Variants in TMEM178B observed in about 807,000 individuals in gnomAD.
TMEM178B encodes the protein transmembrane protein 178B.
Under a neutral mutation model 31.0 loss-of-function variants are expected in TMEM178B, and 5 were observed. The ratio of observed to expected loss-of-function variants is 0.16; its 90% CI spans 0.08 to 0.34. TMEM178B has a LOEUF of 0.34. TMEM178B is among the 10% of genes least tolerant of loss of function. The pLI is 1.00. For missense variants in TMEM178B, 275 were observed against 400.3 expected, an observed-to-expected ratio of 0.69 and a Z score of 2.67; for synonymous variants, 164 against 164.0, an observed-to-expected ratio of 1.00 and a Z score of 0.00.
chr7:141,368,369 T>C (rs1367159997), intron 2 of TMEM178B, among the ~76,000 whole-genome samples: 2 of 152,340 alleles, frequency 1.3e-5, no homozygotes, highest in African/African-American at 4.8e-5. Context: ...TGAACTGATA[T>C]CATACTATTT....
At chr7:141,249,626 G>A (rs1046405398) in intron 2 of TMEM178B, among the ~76,000 whole-genome samples, 3 of 148,264 alleles carry the variant, frequency 2.0e-5, no homozygotes, top group Non-Finnish European at 4.5e-5. Flanking sequence ...TGCCCTGTTG[G>A]TAATTACATG....
At chr7:141,097,884 C>T (rs371272380) in intron 1 of TMEM178B, among the ~76,000 whole-genome samples, 5 of 151,018 alleles carry the variant, frequency 3.3e-5, no homozygotes, top group African/African-American at 1.2e-4. Flanking sequence ...TTCGACCTCC[C>T]TGGTTCAAGT....
intron 2 of TMEM178B, among the ~76,000 whole-genome samples, chr7:141,430,982 A>AG (rs1801415105): frequency 1.3e-5 from 2 of 152,308 alleles, no homozygotes; most frequent in African/African-American, 4.8e-5. Flanking sequence ...AATTTCCAGC[A>AG]GACCTCCCCA....
intron 2 of TMEM178B, among the ~76,000 whole-genome samples, chr7:141,412,387 T>C (rs1436022136): frequency 2.0e-5 from 3 of 152,142 alleles, no homozygotes; most frequent in Non-Finnish European, 4.4e-5. Context: ...ATATAAATTG[T>C]TCAAGAGCCT....
At chr7:141,305,784 A>G (rs1053448447) in intron 2 of TMEM178B, among the ~76,000 whole-genome samples, 15 of 152,008 alleles carry the variant, frequency 9.9e-5, no homozygotes, top group East Asian at 1.9e-4. Flanking sequence ...ATCCCTGTCA[A>G]TACTCCCTCT....
At chr7:141,284,952 T>C (rs1483325703) in intron 2 of TMEM178B, among the ~76,000 whole-genome samples, 2 of 151,856 alleles carry the variant, frequency 1.3e-5, no homozygotes, top group African/African-American at 2.4e-5. Flanking sequence ...TCAAGAAGAA[T>C]GGATCAATTA....
chr7:141,343,424 A>G (rs879291201), intron 2 of TMEM178B, among the ~76,000 whole-genome samples: 23 of 151,584 alleles, frequency 1.5e-4, no homozygotes, highest in African/African-American at 5.3e-4. Context: ...TTCATTTGCA[A>G]CTTCAGATTA....
Position 141,471,408 on chromosome 7 carries a change from A to T in TMEM178B, c.*622A>T, listed in dbSNP as rs569508341. 50 of 152,304 alleles carry T rather than the reference A, an allele frequency of 3.3e-4. 1 individual carries two copies. Among genetic ancestry groups the T allele is most frequent in the African/African-American group, 1.1e-3 (45 of 41,562 alleles). 9.4% of individuals were successfully genotyped at this position (152,304 alleles called of 1,614,324 possible). A position where few individuals can be genotyped will look rare whatever the true frequency, so the allele number is the denominator to read the frequency against. Reference sequence around the variant, plus strand: ...GGAAGAGAACATGCTGAGAGGCAAGATCTGCATCAATGAAAGGACGCTTCG... The same window carrying T: ...GGAAGAGAACATGCTGAGAGGCAAGTTCTGCATCAATGAAAGGACGCTTCG... On this transcript the variant is annotated 3_prime_UTR_variant, in exon 4 of 4. Transcript: ENST00000565468. This position sits in a 1 kb window ranked among gnomAD's most constrained non-coding sequence, Gnocchi z 4.1.
chr7:141,313,610 G>A (rs935492015), intron 2 of TMEM178B, among the ~76,000 whole-genome samples: 4 of 152,108 alleles, frequency 2.6e-5, no homozygotes, highest in African/African-American at 4.8e-5. Context: ...CCAAAAGGAG[G>A]CTTGGACTCC....
rs1034744543 is a variant in TMEM178B at position 141,355,772 on chromosome 7, G to A, written c.497-81836G>A. 1.3e-4 allele frequency among the ~76,000 whole-genome samples: 20 copies of A among 152,242 alleles called. 1 individual carries two copies. The highest frequency in any genetic ancestry group is 1.1e-3 in the Admixed American group (17 of 15,286). ...GTGCAGGTTTGTTACAAGGGTATGT[G>A]TGATGCTGAGGTTTGAGGTACGATT... On this transcript the variant is annotated intron_variant, in intron 2 of 3. Transcript: ENST00000565468.
At chr7:141,212,775 A>G (rs1797071040) in intron 2 of TMEM178B, 71 bp downstream of exon 2, 1 of 1,203,344 alleles carries the variant, frequency 8.3e-7, no homozygotes, top group African/African-American at 1.5e-5. Context: ...GGAGGATTGG[A>G]TGTGCCTCCT....
At chr7:141,124,778 T>C (rs1586783127) in intron 1 of TMEM178B, among the ~76,000 whole-genome samples, 1 of 152,354 alleles carries the variant, frequency 6.6e-6, no homozygotes, top group Non-Finnish European at 1.5e-5. Context: ...ATATGAGTAT[T>C]ATATTTTATT....
chr7:141,421,748 C>A (rs1372565508), intron 2 of TMEM178B, among the ~76,000 whole-genome samples: 2 of 152,028 alleles, frequency 1.3e-5, no homozygotes, highest in East Asian at 1.9e-4. Context: ...TCATGATAAT[C>A]ATCATCATCA....
intron 1 of TMEM178B, among the ~76,000 whole-genome samples, chr7:141,166,604 G>T (rs1796266282): frequency 6.6e-6 from 1 of 152,174 alleles, no homozygotes; most frequent in Admixed American, 6.5e-5. Flanking sequence ...CATTCCTGGG[G>T]ATGTGGAGGG....
intron 2 of TMEM178B, among the ~76,000 whole-genome samples, chr7:141,416,963 C>CA (rs1428149430): frequency 6.6e-6 from 1 of 152,198 alleles, no homozygotes; most frequent in Admixed American, 6.5e-5. Context: ...GAAAGCAAAC[C>CA]ATGCAAAATG....
intron 2 of TMEM178B, among the ~76,000 whole-genome samples, chr7:141,246,184 G>A (rs1797726988): frequency 1.3e-5 from 2 of 152,192 alleles, no homozygotes; most frequent in South Asian, 2.1e-4. Context: ...AGGACCAGCA[G>A]CAAATGTGTC....
intron 1 of TMEM178B, among the ~76,000 whole-genome samples, chr7:141,089,981 A>G (rs142442798): frequency 3.5e-4 from 54 of 152,208 alleles, no homozygotes; most frequent in African/African-American, 1.1e-3. Context: ...CAAGTTGTGC[A>G]CATGTACCCT....
At chr7:141,301,025 A>C (rs1462440344) in intron 2 of TMEM178B, among the ~76,000 whole-genome samples, 1 of 152,052 alleles carries the variant, frequency 6.6e-6, no homozygotes, top group East Asian at 1.9e-4. Context: ...GGGTGGTGCA[A>C]GGTACTTCCC....
chr7:141,178,349 A>C (rs556046536), intron 1 of TMEM178B, among the ~76,000 whole-genome samples: 28 of 152,192 alleles, frequency 1.8e-4, no homozygotes, highest in Non-Finnish European at 3.4e-4. Flanking sequence ...TAAAAATATT[A>C]ATTATTGTAA....
Sources: allele counts gnomAD v4.1 joint callset (sites outside exome capture counted in the v4.1 genomes callset), GRCh38; gene constraint gnomAD v4.1.1; non-coding constraint Gnocchi (gnomAD v3.1); transcripts MANE v1.5; gene names NCBI Gene and HGNC (gene_info 2026-07-23, HGNC 2026-07-21).